The following HEPHL1 variants were observed in gnomAD, a reference collection of about 807,000 sequenced individuals.
HEPHL1 encodes ferroxidase HEPHL1.
HEPHL1 carries 123 observed loss-of-function variants against 122.0 expected under a neutral mutation model. The ratio of observed to expected loss-of-function variants is 1.01; its 90% CI spans 0.87 to 1.17. The LOEUF is 1.17. HEPHL1 is among the 50% of genes most tolerant of loss of function. HEPHL1 has a pLI of 0.00. For missense variants in HEPHL1, 1,452 were observed against 1,430.5 expected (o/e 1.01, Z -0.24); for synonymous variants, 527 against 508.9 (o/e 1.04, Z -0.48).
At chr11:94,037,060 G>A (rs1041077664) in intron 1 of HEPHL1, among the ~76,000 whole-genome samples, 1 of 152,214 alleles carries the variant, frequency 6.6e-6, no homozygotes, top group Admixed American at 6.5e-5. Context: ...CACCTGGGAA[G>A]CGCAAGGGGT....
At chr11:94,079,296 G>T (rs556668917) in intron 9 of HEPHL1, among the ~76,000 whole-genome samples, 3 of 152,256 alleles carry the variant, frequency 2.0e-5, no homozygotes, top group South Asian at 4.1e-4. Flanking sequence ...CAGAAGAATA[G>T]CATTAGAACC....
intron 13 of HEPHL1, among the ~76,000 whole-genome samples, chr11:94,100,008 C>T (rs2134451005): frequency 6.6e-6 from 1 of 152,254 alleles, no homozygotes; most frequent in South Asian, 2.1e-4. Flanking sequence ...CGGTGGGCTG[C>T]ACCCACTGTC....
At chr11:94,042,872 T>TAAAAAAAAAA (rs1181820453) in intron 1 of HEPHL1, among the ~76,000 whole-genome samples, 4 of 1,202 alleles carry the variant, frequency 3.3e-3, no homozygotes, top group Non-Finnish European at 5.8e-3. Context: ...ACTTAAAGTA[T>TAAAAAAAAAA]AATAAAAAAA....
At chr11:94,098,502 C>T (rs1368347316) in intron 13 of HEPHL1, among the ~76,000 whole-genome samples, 1 of 152,124 alleles carries the variant, frequency 6.6e-6, no homozygotes, top group Non-Finnish European at 1.5e-5. Context: ...TGTAGTTGCT[C>T]TTCTCGAGGA....
intron 2 of HEPHL1, among the ~76,000 whole-genome samples, chr11:94,057,879 A>C (rs1945951894): frequency 6.6e-6 from 1 of 152,046 alleles, no homozygotes; most frequent in African/African-American, 2.4e-5. Flanking sequence ...TATTTTTAAG[A>C]ATATAATGTA....
At chr11:94,070,157 C>A (rs1278092118) in intron 5 of HEPHL1, among the ~76,000 whole-genome samples, 1 of 152,078 alleles carries the variant, frequency 6.6e-6, no homozygotes, top group Non-Finnish European at 1.5e-5. Flanking sequence ...TTGTTTTCAT[C>A]TTTATCTGTA....
Position 94,064,356 on chromosome 11 carries a change from A to AT in HEPHL1, c.654_655insT (p.Arg219SerfsTer3). On this transcript the variant is annotated frameshift_variant, in exon 4 of 20. Transcript: ENST00000315765. LOFTEE classifies it high-confidence loss of function. ...GTATCCTGAATAGATATTCAGGGACACGGAATGATGTGGATCGAGAGTTTG... is the reference window on the plus strand; with the variant it reads ...GTATCCTGAATAGATATTCAGGGACATCGGAATGATGTGGATCGAGAGTTTG... 6.2e-7 allele frequency: 1 copy of AT among 1,613,080 alleles called. No individual in the cohort carries two copies. The highest frequency in any genetic ancestry group is 1.3e-5 in the African/African-American group (1 of 75,032).
intron 13 of HEPHL1, among the ~76,000 whole-genome samples, chr11:94,098,659 G>A (rs1456013280): frequency 1.3e-5 from 2 of 152,166 alleles, no homozygotes; most frequent in Non-Finnish European, 2.9e-5. Context: ...CCAGTCAGAC[G>A]CAGATTTGGT....
chr11:94,093,895 A>G (rs1946282889), intron 13 of HEPHL1, among the ~76,000 whole-genome samples: 1 of 147,398 alleles, frequency 6.8e-6, no homozygotes, highest in Admixed American at 6.8e-5. Flanking sequence ...GGGCAGTCTA[A>G]CTGGTGTATG....
At chr11:94,076,194 C>A (rs541334389) in intron 9 of HEPHL1, among the ~76,000 whole-genome samples, 1 of 152,156 alleles carries the variant, frequency 6.6e-6, no homozygotes, top group Non-Finnish European at 1.5e-5. Flanking sequence ...GGAACAATCC[C>A]GGAAATGTCT....
chr11:94,064,666 G>A (rs917662436), intron 4 of HEPHL1, among the ~76,000 whole-genome samples, 156 bp downstream of exon 4: 1 of 152,192 alleles, frequency 6.6e-6, no homozygotes, highest in African/African-American at 2.4e-5. Flanking sequence ...CATGACACAT[G>A]TTTGAACCTG....
chr11:94,060,188 CA>C (rs1335975791), intron 2 of HEPHL1, among the ~76,000 whole-genome samples: 1 of 145,060 alleles, frequency 6.9e-6, no homozygotes, highest in Non-Finnish European at 1.5e-5. Context: ...CGATCATGAG[CA>C]AAAAGAAGCC....
intron 2 of HEPHL1, among the ~76,000 whole-genome samples, chr11:94,051,135 T>C (rs1251970510): frequency 6.6e-6 from 1 of 152,090 alleles, no homozygotes; most frequent in African/African-American, 2.4e-5. Flanking sequence ...ATTTCCTTTT[T>C]GGGGGGTACA....
rs1305785755 is a variant in HEPHL1 at position 94,114,017 on chromosome 11, A to G, written c.*2123A>G. 6.6e-6 allele frequency among the ~76,000 whole-genome samples: 1 copy of G among 152,160 alleles called. No individual in the cohort carries two copies. Among genetic ancestry groups the G allele is most frequent in the African/African-American group, 2.4e-5 (1 of 41,434 alleles). On this transcript the variant is annotated 3_prime_UTR_variant, in exon 20 of 20. Coordinates refer to ENST00000315765, the MANE Select transcript of HEPHL1 (RefSeq NM_001098672.2). Reference sequence around the variant, plus strand: ...TTACACACATATTTCTTCCTATTACAATACACGTGTCCCTGCTCCTAGCAG... The same window carrying G: ...TTACACACATATTTCTTCCTATTACGATACACGTGTCCCTGCTCCTAGCAG...
intron 13 of HEPHL1, among the ~76,000 whole-genome samples, chr11:94,093,975 T>TAG (rs1565360475): frequency 0.025 from 1,191 of 47,932 alleles, 62 homozygotes; most frequent in East Asian, 0.029. Flanking sequence ...CCAGCAGATA[T>TAG]ATATATATAT....
intron 4 of HEPHL1, among the ~76,000 whole-genome samples, chr11:94,066,207 A>G (rs1351606808): frequency 1.3e-5 from 2 of 152,086 alleles, no homozygotes; most frequent in Non-Finnish European, 2.9e-5. Context: ...AAACAAAAAC[A>G]AAAAACCCTA....
At chr11:94,048,181 G>A (rs1945857430) in intron 2 of HEPHL1, among the ~76,000 whole-genome samples, 1 of 152,066 alleles carries the variant, frequency 6.6e-6, no homozygotes, top group Non-Finnish European at 1.5e-5. Flanking sequence ...TTTTAAGGCT[G>A]AATACTATTC....
At chr11:94,046,779 A>G (rs907623587) in intron 2 of HEPHL1, among the ~76,000 whole-genome samples, 6 of 152,136 alleles carry the variant, frequency 3.9e-5, no homozygotes, top group African/African-American at 1.4e-4. Flanking sequence ...CTTTTGAGAC[A>G]GAAGTATTTC....
intron 1 of HEPHL1, among the ~76,000 whole-genome samples, chr11:94,025,088 G>A (rs745538857): frequency 2.6e-5 from 4 of 152,096 alleles, no homozygotes; most frequent in Non-Finnish European, 4.4e-5. Context: ...GATCGAAAAT[G>A]AATTGAAATC....
Sources: allele counts gnomAD v4.1 joint callset (sites outside exome capture counted in the v4.1 genomes callset), GRCh38; gene constraint gnomAD v4.1.1; transcripts MANE v1.5; gene names NCBI Gene and HGNC (gene_info 2026-07-23, HGNC 2026-07-21).